DNAH9: variants seen among roughly 807,000 people sequenced by gnomAD.
DNAH9 encodes the protein DNAH9 variant protein.
Under a neutral mutation model 471.6 loss-of-function variants are expected in DNAH9, and 345 were observed. The observed-to-expected ratio is 0.73, with a 90% CI of 0.67 to 0.80. The LOEUF (loss-of-function observed/expected upper bound fraction) is 0.80, where lower values mean the gene tolerates loss of function less well. Ranked by LOEUF, DNAH9 falls within the 30% of genes least tolerant of loss-of-function variation. The pLI is 0.00. For missense variants in DNAH9, 5,407 were observed against 5,609.2 expected (o/e 0.96, Z 1.15); for synonymous variants, 2,093 against 2,123.6 (o/e 0.99, Z 0.40).
chr17:11,708,055 A>C (rs941837348), intron 26 of DNAH9, among the ~76,000 whole-genome samples: 3 of 145,640 alleles, frequency 2.1e-5, no homozygotes, highest in African/African-American at 5.1e-5. Flanking sequence ...AGAGAGAGAG[A>C]GCAGGTAACC....
intron 10 of DNAH9, among the ~76,000 whole-genome samples, chr17:11,644,332 G>C (rs2073337196): frequency 6.6e-6 from 1 of 151,988 alleles, no homozygotes. Context: ...TCAGATTTTT[G>C]AAGGACCTCA....
At chr17:11,957,231 C>G (rs1291471239) in intron 67 of DNAH9, among the ~76,000 whole-genome samples, 2 of 152,044 alleles carry the variant, frequency 1.3e-5, no homozygotes, top group East Asian at 3.9e-4. Context: ...CTAAATAGCC[C>G]ATATGTGTTT....
At chr17:11,883,442 CCTG>C in intron 55 of DNAH9, 141 bp from the exon 56 acceptor site, 1 of 1,171,816 alleles carries the variant, frequency 8.5e-7, no homozygotes, top group Non-Finnish European at 1.2e-6. Context: ...CTCCTTGTCT[CCTG>C]CTCATGGTCT....
Position 11,701,099 on chromosome 17 carries a change from TCTAAC to T in DNAH9, c.5026-20_5026-16del, listed in dbSNP as rs2074585861. Reference sequence around the variant, plus strand: ...ACCAAAACTTCTCAGGCACCCAGTGTCTAACCTGAGTTGTTCTTTCAGGTAGAAAT... The same window carrying T: ...ACCAAAACTTCTCAGGCACCCAGTGTCTGAGTTGTTCTTTCAGGTAGAAAT... On this transcript the variant is annotated intron_variant, in intron 23 of 68. Coordinates refer to ENST00000262442, the MANE Select transcript of DNAH9 (RefSeq NM_001372.4). 2 of 1,613,916 alleles carry T rather than the reference TCTAAC, an allele frequency of 1.2e-6. No individual in the cohort carries two copies. The highest frequency in any genetic ancestry group is 1.7e-6 in the Non-Finnish European group (2 of 1,179,858).
chr17:11,681,011 C>T lies in DNAH9; in HGVS notation c.3743+122C>T. On this transcript the variant is annotated intron_variant, in intron 19 of 68. Coordinates refer to ENST00000262442, the MANE Select transcript of DNAH9 (RefSeq NM_001372.4). ...TGCAGACCAGTTAATAATCTTCCTTCCCATTTAGGACCTTTGGTTGAAACG... is the reference window on the plus strand; with the variant it reads ...TGCAGACCAGTTAATAATCTTCCTTTCCATTTAGGACCTTTGGTTGAAACG... 1.2e-5 allele frequency: 11 copies of T among 943,062 alleles called. No individual in the cohort carries two copies. The South Asian group carries it at 1.6e-4, about 14-fold the overall frequency. 58.4% of individuals were successfully genotyped at this position (943,062 alleles called of 1,614,324 possible).
At chr17:11,672,259 C>G (rs1233635306) in intron 17 of DNAH9, among the ~76,000 whole-genome samples, 1 of 152,194 alleles carries the variant, frequency 6.6e-6, no homozygotes, top group Non-Finnish European at 1.5e-5. Flanking sequence ...TCTGCACTTG[C>G]AAAGCTTTCC....
chr17:11,717,558 G>A (rs1053207165), intron 26 of DNAH9, among the ~76,000 whole-genome samples: 6 of 152,076 alleles, frequency 3.9e-5, no homozygotes, highest in Admixed American at 2.6e-4. Context: ...GCCCCGCCTG[G>A]AAGTTGAGAG....
At chr17:11,771,147 A>G (rs1968189483) in intron 38 of DNAH9, among the ~76,000 whole-genome samples, 1 of 152,102 alleles carries the variant, frequency 6.6e-6, no homozygotes, top group Non-Finnish European at 1.5e-5. Flanking sequence ...TATTTTTGAG[A>G]TGGAGTTTCA....
intron 26 of DNAH9, among the ~76,000 whole-genome samples, chr17:11,712,400 A>T (rs982559473): frequency 1.3e-5 from 2 of 151,112 alleles, no homozygotes; most frequent in African/African-American, 4.9e-5. Context: ...GTTTGTGTAC[A>T]AGTCTTTGTG....
chr17:11,874,922 C>T lies in DNAH9; in HGVS notation c.10243-27C>T, dbSNP rs757582433. 1.1e-5 allele frequency: 17 copies of T among 1,528,780 alleles called. No homozygotes were observed. In the Admixed American group the frequency reaches 1.5e-4, roughly 14 times the overall value. 94.7% of individuals were successfully genotyped at this position (1,528,780 alleles called of 1,614,324 possible). A position where few individuals can be genotyped will look rare whatever the true frequency, so the allele number is the denominator to read the frequency against. On this transcript the variant is annotated intron_variant, in intron 52 of 68. Coordinates refer to ENST00000262442, the MANE Select transcript of DNAH9 (RefSeq NM_001372.4). The stretch of plus-strand genomic sequence containing the variant: ...TGAGAATGTCTGCTTCTGTTCTGAG[C>T]GTGGGGTGGTGTTTCTTCTTCACCA...
chr17:11,882,730 CAG>C (rs993659709), intron 55 of DNAH9, among the ~76,000 whole-genome samples: 1 of 152,070 alleles, frequency 6.6e-6, no homozygotes, highest in Non-Finnish European at 1.5e-5. Context: ...GAAAATAAAA[CAG>C]GGTAATACTG....
intron 45 of DNAH9, among the ~76,000 whole-genome samples, chr17:11,819,065 C>T (rs981980299): frequency 1.3e-5 from 2 of 152,058 alleles, no homozygotes; most frequent in African/African-American, 4.8e-5. Context: ...TCTCTGATTT[C>T]AAACATAGCC....
chr17:11,872,399 G>T (rs1972303362), intron 52 of DNAH9, among the ~76,000 whole-genome samples: 1 of 140,980 alleles, frequency 7.1e-6, no homozygotes, highest in South Asian at 2.2e-4. Context: ...ACTAAATGGA[G>T]AAATACTGGT....
chr17:11,671,253 A>G (rs2073966820), intron 17 of DNAH9, among the ~76,000 whole-genome samples: 1 of 152,244 alleles, frequency 6.6e-6, no homozygotes, highest in African/African-American at 2.4e-5. Context: ...AAGGCTACAG[A>G]GCAGCAGATG....
chr17:11,801,273 T>A (rs1211046761), intron 43 of DNAH9, among the ~76,000 whole-genome samples: 1 of 152,174 alleles, frequency 6.6e-6, no homozygotes, highest in Non-Finnish European at 1.5e-5. Flanking sequence ...TCTTCAAATA[T>A]TTTTTTGTAT....
chr17:11,957,785 G>T (rs1392888349), intron 67 of DNAH9, among the ~76,000 whole-genome samples: 5 of 152,160 alleles, frequency 3.3e-5, no homozygotes, highest in Admixed American at 3.3e-4. Context: ...TGTCTTGACT[G>T]TATCAATGTC....
Position 11,871,791 on chromosome 17 carries a change from G to C in DNAH9, c.10242+5G>C. 1 of 1,613,394 alleles carries C rather than the reference G, an allele frequency of 6.2e-7. No homozygotes were observed. The highest frequency in any genetic ancestry group is 8.5e-7 in the Non-Finnish European group (1 of 1,179,538). ...CCCTACCTGAGCCAGCTGAAAGTAC[G>C]TATGGCCTGAATTTCTCCCGACCAC... On this transcript the variant is annotated splice_donor_5th_base_variant and intron_variant, in intron 52 of 68. Coordinates refer to ENST00000262442, the MANE Select transcript of DNAH9 (RefSeq NM_001372.4).
chr17:11,834,903 G>A lies in DNAH9; in HGVS notation c.9507+5G>A. The A allele has an allele frequency of 2.5e-6, 4 of 1,611,542 alleles. No individual in the cohort carries two copies. The highest frequency in any genetic ancestry group is 2.5e-6 in the Non-Finnish European group (3 of 1,179,292). ...GCTCTCAACACCCTGAACAAGGTAG[G>A]AGGACTGTCTGCCATACCTGCTCAT... On this transcript the variant is annotated splice_donor_5th_base_variant and intron_variant, in intron 49 of 68. Transcript: ENST00000262442.
chr17:11,606,567 GC>G (rs1292549453), intron 1 of DNAH9, among the ~76,000 whole-genome samples: 1 of 116,532 alleles, frequency 8.6e-6, no homozygotes, highest in Non-Finnish European at 1.9e-5. Flanking sequence ...CCCTGCCTCA[GC>G]CTCCTGAAGT....
Sources: allele counts gnomAD v4.1 joint callset (sites outside exome capture counted in the v4.1 genomes callset), GRCh38; gene constraint gnomAD v4.1.1; transcripts MANE v1.5; gene names NCBI Gene and HGNC (gene_info 2026-07-23, HGNC 2026-07-21).